STRN: variants seen among roughly 807,000 people sequenced by gnomAD.
STRN encodes striatin, also known as protein phosphatase 2 regulatory subunit B'''alpha.
In STRN, 53 loss-of-function variants were observed where a neutral mutation model predicts 96.3. That is an observed-to-expected ratio of 0.55 (90% CI 0.44 to 0.69). The LOEUF is 0.69. Ranked by LOEUF, STRN falls within the 30% of genes least tolerant of loss-of-function variation. The pLI is 0.00. For missense variants in STRN, 987 were observed against 963.9 expected (o/e 1.02, Z -0.32); for synonymous variants, 428 against 355.9 (o/e 1.20, Z -2.28).
intron 9 of STRN, 106 bp from the exon 10 acceptor site, chr2:36,878,133 G>T: frequency 8.2e-7 from 1 of 1,219,334 alleles, no homozygotes; most frequent in Non-Finnish European, 1.1e-6. Flanking sequence ...ATACTTAATT[G>T]TTTTTAAATG....
chr2:36,909,008 T>C (rs879739405), intron 3 of STRN, among the ~76,000 whole-genome samples: 1 of 113,922 alleles, frequency 8.8e-6, no homozygotes, highest in South Asian at 2.9e-4. Flanking sequence ...GAAAAAAAAA[T>C]AGCTGGGCAA....
chr2:36,898,526 A>G (rs1669600833), intron 6 of STRN, among the ~76,000 whole-genome samples: 2 of 152,240 alleles, frequency 1.3e-5, no homozygotes, highest in African/African-American at 4.8e-5. Flanking sequence ...CATAAAACAC[A>G]CAGAGGTTAC....
intron 10 of STRN, among the ~76,000 whole-genome samples, chr2:36,875,930 A>C (rs1247091049): frequency 6.6e-6 from 1 of 152,158 alleles, no homozygotes; most frequent in Non-Finnish European, 1.5e-5. Flanking sequence ...GTGCTGGGAT[A>C]CAAGCGTGAG....
intron 1 of STRN, among the ~76,000 whole-genome samples, chr2:36,960,089 A>G (rs148406357): frequency 6.8e-4 from 104 of 152,334 alleles, no homozygotes; most frequent in African/African-American, 2.4e-3. Flanking sequence ...AAATTATACC[A>G]TATGACAATG....
intron 3 of STRN, among the ~76,000 whole-genome samples, chr2:36,911,583 C>T (rs953498824): frequency 3.9e-5 from 6 of 152,080 alleles, no homozygotes; most frequent in African/African-American, 1.4e-4. Context: ...ATTTACTATC[C>T]GGCCCTTTAC....
In STRN at chr2:36,842,754, TACTG is replaced by T. The variant is rs1667981077; in HGVS notation, c.*6698_*6701del. Among the ~76,000 whole-genome samples, 4 of 152,314 alleles carry T rather than the reference TACTG, an allele frequency of 2.6e-5. No homozygotes were observed. The South Asian group carries it at 8.3e-4, about 32-fold the overall frequency. On this transcript the variant is annotated 3_prime_UTR_variant, in exon 18 of 18. Coordinates refer to ENST00000263918, the MANE Select transcript of STRN (RefSeq NM_003162.4). ...TTTGAATCATTTGATATACAAAACT[TACTG>T]AGTTAAAATTTGTGTTTCAGAAAAC... is the stretch of plus-strand genomic sequence containing the variant.
intron 4 of STRN, 53 bp downstream of exon 4, chr2:36,905,487 T>C (rs529377582): frequency 1.3e-5 from 19 of 1,506,840 alleles, no homozygotes; most frequent in Non-Finnish European, 1.8e-5. Flanking sequence ...AATAACTTCA[T>C]AAAACTGTTT....
At chr2:36,887,224 T>A (rs1053705915) in intron 7 of STRN, among the ~76,000 whole-genome samples, 1 of 149,238 alleles carries the variant, frequency 6.7e-6, no homozygotes, top group East Asian at 2.0e-4. Context: ...AGGTCAGGAG[T>A]TCAAGACCAG....
At chr2:36,922,518 CAAAAAAAAAA>C (rs749446955) in intron 2 of STRN, among the ~76,000 whole-genome samples, 1 of 91,162 alleles carries the variant, frequency 1.1e-5, no homozygotes, top group Non-Finnish European at 2.2e-5. Context: ...GACCCTGTCT[CAAAAAAAAAA>C]AAAAAAAAAA....
chr2:36,870,325 T>C (rs1433628923), intron 10 of STRN, among the ~76,000 whole-genome samples: 6 of 151,936 alleles, frequency 3.9e-5, no homozygotes, highest in African/African-American at 1.5e-4. Context: ...TATTTTTTCA[T>C]TCCAATTACA....
intron 12 of STRN, among the ~76,000 whole-genome samples, chr2:36,865,279 G>A (rs1427239893): frequency 6.6e-6 from 1 of 152,182 alleles, no homozygotes; most frequent in Non-Finnish European, 1.5e-5. Context: ...GTTCATAACA[G>A]TTTCTGGCTG....
chr2:36,845,942 CACACACACACTA>C lies in STRN; in HGVS notation c.*3502_*3513del, dbSNP rs1346197844. 1 of 136,570 alleles carries C rather than the reference CACACACACACTA, an allele frequency of 7.3e-6. No homozygotes were observed. Among genetic ancestry groups the C allele is most frequent in the African/African-American group, 2.8e-5 (1 of 35,842 alleles). The allele number at this position is 136,570 out of a possible 1,614,324, so 8.5% of individuals were successfully genotyped here. ...ACACACACACACACACACACACACA[CACACACACACTA>C]ACTCTCTCTCTCTCTCTGTGCCCCC... On this transcript the variant is annotated 3_prime_UTR_variant, in exon 18 of 18. Coordinates refer to ENST00000263918, the MANE Select transcript of STRN (RefSeq NM_003162.4).
At chr2:36,947,569 TTATA>T (rs951432929) in intron 1 of STRN, among the ~76,000 whole-genome samples, 2 of 145,772 alleles carry the variant, frequency 1.4e-5, no homozygotes, top group African/African-American at 5.0e-5. Flanking sequence ...TACATATATA[TTATA>T]TATATATATA....
rs550870002 is a variant in STRN, at chr2:36,946,379, T to C, written c.234+19851A>G. On this transcript the variant is annotated intron_variant, in intron 1 of 17. Coordinates refer to ENST00000263918, the MANE Select transcript of STRN (RefSeq NM_003162.4). ...GTGTTGGAAATAACCAGTTAAGAGA[T>C]AAAATGGAAAAAAGATCCCACTCAC... Among the ~76,000 whole-genome samples the C allele has an allele frequency of 2.3e-4, 35 of 152,208 alleles. No homozygotes were observed. The South Asian group carries it at 6.4e-3, about 28-fold the overall frequency.
chr2:36,906,939 CA>C (rs113693211), intron 3 of STRN, among the ~76,000 whole-genome samples: 25 of 149,884 alleles, frequency 1.7e-4, no homozygotes, highest in Non-Finnish European at 3.3e-4. Flanking sequence ...ACAAAAAAAA[CA>C]AAAAAAAACC....
chr2:36,919,840 A>T (rs1670203731), intron 2 of STRN, among the ~76,000 whole-genome samples: 1 of 152,218 alleles, frequency 6.6e-6, no homozygotes, highest in African/African-American at 2.4e-5. Flanking sequence ...AGGTTCCTCA[A>T]CATAGATGTT....
chr2:36,864,198 G>A (rs1361508077), intron 12 of STRN, among the ~76,000 whole-genome samples: 1 of 152,138 alleles, frequency 6.6e-6, no homozygotes, highest in Non-Finnish European at 1.5e-5. Context: ...TATTGAATAG[G>A]AGTGGTGAGA....
chr2:36,864,111 G>A (rs1481258829), intron 12 of STRN, among the ~76,000 whole-genome samples: 1 of 152,168 alleles, frequency 6.6e-6, no homozygotes, highest in Non-Finnish European at 1.5e-5. Context: ...AACAAAGACA[G>A]TTTGACTGCC....
intron 1 of STRN, among the ~76,000 whole-genome samples, chr2:36,958,814 C>T (rs1210549234): frequency 6.6e-6 from 1 of 152,076 alleles, no homozygotes; most frequent in Non-Finnish European, 1.5e-5. Flanking sequence ...CTAATGAAGT[C>T]CCAAACAAAA....
Sources: gnomAD v4.1 joint callset for allele counts (sites outside exome capture counted in the v4.1 genomes callset) on GRCh38, gnomAD v4.1.1 for gene constraint, MANE v1.5 for transcripts, NCBI Gene and HGNC (gene_info 2026-07-23, HGNC 2026-07-21) for gene names.